HGD: variants seen among roughly 807,000 people sequenced by gnomAD.
HGD encodes homogentisate oxidase.
Under a neutral mutation model 60.8 loss-of-function variants are expected in HGD, and 61 were observed. The observed-to-expected ratio is 1.00, with a 90% CI of 0.82 to 1.24. The LOEUF is 1.24. HGD is among the 50% of genes most tolerant of loss of function. The pLI, the probability that HGD is intolerant of heterozygous loss-of-function variation, is 0.00. For missense variants in HGD, 542 were observed against 547.1 expected, an observed-to-expected ratio of 0.99 and a Z score of 0.09; for synonymous variants, 212 against 187.7, an observed-to-expected ratio of 1.13 and a Z score of -1.06.
At chr3:120,659,116 T>C (rs1941584271) in intron 4 of HGD, among the ~76,000 whole-genome samples, 1 of 152,256 alleles carries the variant, frequency 6.6e-6, no homozygotes, top group South Asian at 2.1e-4. Context: ...TATGCAAATT[T>C]CTGCAGCCAG....
chr3:120,667,731 C>A (rs972347125), intron 4 of HGD, among the ~76,000 whole-genome samples: 1 of 152,138 alleles, frequency 6.6e-6, no homozygotes, highest in African/African-American at 2.4e-5. Context: ...AACTCCCCAG[C>A]CTACCCTGTT....
At chr3:120,660,319 G>A (rs927386115) in intron 4 of HGD, among the ~76,000 whole-genome samples, 36 of 152,218 alleles carry the variant, frequency 2.4e-4, no homozygotes, top group African/African-American at 8.7e-4. Flanking sequence ...ATTTGTGGTG[G>A]TGAGTTTCAG....
At chr3:120,670,338 T>G (rs1707996993) in intron 4 of HGD, 89 bp downstream of exon 4, 1 of 790,160 alleles carries the variant, frequency 1.3e-6, no homozygotes, top group African/African-American at 1.7e-5. Flanking sequence ...AAACTATCTA[T>G]TTTTTCCAAT....
chr3:120,678,201 C>G (rs986241713), intron 1 of HGD, among the ~76,000 whole-genome samples: 2 of 152,202 alleles, frequency 1.3e-5, no homozygotes, highest in African/African-American at 4.8e-5. Context: ...ATCCAACATT[C>G]TGATTCTCCA....
At chr3:120,636,097 C>A (rs1219681545) in intron 12 of HGD, among the ~76,000 whole-genome samples, 1 of 143,720 alleles carries the variant, frequency 7.0e-6, no homozygotes, top group East Asian at 2.0e-4. Flanking sequence ...ATGGCAAGAC[C>A]CCGTCTGTAC....
Position 120,647,975 on chromosome 3 carries a change from T to C in HGD, c.435-64A>G, listed in dbSNP as rs935897640. 2.3e-6 allele frequency: 3 copies of C among 1,307,496 alleles called. No homozygotes were observed. The African/African-American group carries it at 4.4e-5, about 19-fold the overall frequency. 81.0% of individuals were successfully genotyped at this position (1,307,496 alleles called of 1,614,324 possible). On this transcript the variant is annotated intron_variant, in intron 6 of 13. Coordinates refer to ENST00000283871, the MANE Select transcript of HGD (RefSeq NM_000187.4). ...AACATTGTCTAGACAAATTACGTCA[T>C]AACACAAATCATTGTTTAGTGCCTA...
chr3:120,650,934 T>C, intron 5 of HGD, 69 bp from the exon 6 acceptor site: 1 of 1,159,970 alleles, frequency 8.6e-7, no homozygotes, highest in South Asian at 1.2e-5. Context: ...CTTCCACTGG[T>C]CCCTGAGGGT....
chr3:120,649,099 C>G (rs187270096), intron 6 of HGD, among the ~76,000 whole-genome samples: 182 of 150,954 alleles, frequency 1.2e-3, no homozygotes, highest in African/African-American at 4.3e-3. Context: ...GTTCACAGGT[C>G]CATTCTAAAG....
At chr3:120,656,032 G>A (rs1941486024) in intron 4 of HGD, among the ~76,000 whole-genome samples, 1 of 152,146 alleles carries the variant, frequency 6.6e-6, no homozygotes, top group African/African-American at 2.4e-5. Flanking sequence ...TTAGAGATGG[G>A]TTTTAAAGTT....
intron 8 of HGD, 138 bp downstream of exon 8, chr3:120,646,835 C>G (rs1941179434): frequency 1.3e-6 from 1 of 770,268 alleles, no homozygotes. Context: ...CACATGGAAC[C>G]TTCTGCATAA....
At chr3:120,654,563 C>G (rs1315935372) in intron 4 of HGD, among the ~76,000 whole-genome samples, 1 of 152,106 alleles carries the variant, frequency 6.6e-6, no homozygotes, top group Admixed American at 6.5e-5. Context: ...TTGGGCCATA[C>G]GTGGCAGTGA....
At chr3:120,630,817 T>G (rs1940563278) in intron 13 of HGD, among the ~76,000 whole-genome samples, 1 of 84,456 alleles carries the variant, frequency 1.2e-5, no homozygotes, top group Non-Finnish European at 2.3e-5. Context: ...TATATATATA[T>G]ATATATATAC....
intron 12 of HGD, among the ~76,000 whole-genome samples, chr3:120,634,390 T>C (rs1168002389): frequency 6.6e-6 from 1 of 152,110 alleles, no homozygotes; most frequent in African/African-American, 2.4e-5. Flanking sequence ...ATTAAAGAAA[T>C]ATAACACCTG....
At chr3:120,630,377 C>G (rs1462272472) in intron 13 of HGD, among the ~76,000 whole-genome samples, 1 of 152,112 alleles carries the variant, frequency 6.6e-6, no homozygotes, top group Non-Finnish European at 1.5e-5. Context: ...TCAAAGTATA[C>G]TACAAGGCTA....
intron 1 of HGD, among the ~76,000 whole-genome samples, chr3:120,679,428 A>G (rs1708192198): frequency 6.6e-6 from 1 of 152,210 alleles, no homozygotes; most frequent in East Asian, 1.9e-4. Flanking sequence ...TAGATTGTAA[A>G]GGGAACTTGC....
intron 6 of HGD, among the ~76,000 whole-genome samples, chr3:120,648,797 G>T (rs1256089606): frequency 6.6e-6 from 1 of 152,196 alleles, no homozygotes. Flanking sequence ...TGGGTCACTG[G>T]TCACTCATAT....
intron 3 of HGD, 50 bp from the exon 4 acceptor site, chr3:120,670,582 G>A (rs145728491): frequency 0.033 from 34,150 of 1,045,646 alleles, 651 homozygotes; most frequent in Middle Eastern, 0.063. Flanking sequence ...AATGTTCTGA[G>A]TGATACACAG....
At chr3:120,655,224 C>A (rs1051034015) in intron 4 of HGD, among the ~76,000 whole-genome samples, 6 of 152,118 alleles carry the variant, frequency 3.9e-5, no homozygotes, top group Non-Finnish European at 8.8e-5. Flanking sequence ...TTGACCAGGT[C>A]AGCTGGTCAT....
chr3:120,647,020 C>T lies in HGD; in HGVS notation c.502G>A (p.Glu168Lys), dbSNP rs375283568. The change falls in exon 8 of 14, where the codon GAG becomes AAG. Residue 168 changes from glutamate (E) to lysine (K), a missense_variant. Coordinates refer to ENST00000283871, the MANE Select transcript of HGD (RefSeq NM_000187.4). The stretch of plus-strand genomic sequence containing the variant: ...GGCTGTACAAGCATCTTGCCAAACT[C>T]GGTGTAAATGAGAAGGTTCCCTTTC... ...PQKGNLLIYT[E>K]FGKMLVQPNE... The T allele has an allele frequency of 2.1e-5, 34 of 1,613,908 alleles. No individual in the cohort carries two copies. Among genetic ancestry groups the T allele is most frequent in the African/African-American group, 9.3e-5 (7 of 74,882 alleles).
Sources: allele counts gnomAD v4.1 joint callset (sites outside exome capture counted in the v4.1 genomes callset), GRCh38; gene constraint gnomAD v4.1.1; transcripts MANE v1.5; gene names NCBI Gene and HGNC (gene_info 2026-07-23, HGNC 2026-07-21).